The following ADNP2 variants were observed in gnomAD, a reference collection of about 807,000 sequenced individuals.
The protein encoded by ADNP2 is ADNP homeobox 2.
Under a neutral mutation model 16.4 loss-of-function variants are expected in ADNP2, and 8 were observed. That is an observed-to-expected ratio of 0.49 (90% CI 0.29 to 0.88). ADNP2 has a LOEUF of 0.88. Among genes scored for constraint, ADNP2 ranks in the 40% least tolerant of loss-of-function variants. ADNP2 has a pLI of 0.09. For missense variants in ADNP2, 1,397 were observed against 1,395.1 expected, an observed-to-expected ratio of 1.00 and a Z score of -0.02; for synonymous variants, 637 against 545.8, an observed-to-expected ratio of 1.17 and a Z score of -2.33.
At chr18:80,119,966 G>A (rs1168894757) in intron 2 of ADNP2, among the ~76,000 whole-genome samples, 4 of 152,168 alleles carry the variant, frequency 2.6e-5, no homozygotes, top group Admixed American at 2.0e-4. Flanking sequence ...GTGGAATGTG[G>A]ACCTCTTGAC....
chr18:80,119,262 A>G (rs531638262), intron 2 of ADNP2, among the ~76,000 whole-genome samples: 15 of 152,038 alleles, frequency 9.9e-5, no homozygotes, highest in African/African-American at 3.6e-4. Flanking sequence ...GCAGAAACCA[A>G]TCTGACCAAT....
intron 1 of ADNP2, among the ~76,000 whole-genome samples, chr18:80,116,676 G>T (rs913895461): frequency 2.6e-5 from 4 of 151,992 alleles, no homozygotes; most frequent in Middle Eastern, 3.4e-3. Flanking sequence ...TCACTCTGTT[G>T]CTCAGGCTGG....
At chr18:80,109,930 CGCCCCGCCCGCT>C (rs1396016979) in intron 1 of ADNP2, 1 of 152,490 alleles carries the variant, frequency 6.6e-6, no homozygotes, top group East Asian at 2.0e-4. Flanking sequence ...ACTCCAGAAA[CGCCCCGCCCGCT>C]GGCCCGCCCG....
intron 1 of ADNP2, among the ~76,000 whole-genome samples, chr18:80,115,806 G>C (rs2052385401): frequency 6.6e-6 from 1 of 151,784 alleles, no homozygotes; most frequent in South Asian, 2.1e-4. Flanking sequence ...ACGGAGTTTT[G>C]CTCTTACTGG....
intron 2 of ADNP2, among the ~76,000 whole-genome samples, chr18:80,129,578 C>A (rs1163293524): frequency 1.3e-5 from 2 of 152,156 alleles, no homozygotes; most frequent in African/African-American, 4.8e-5. Flanking sequence ...GTTGTTTCAG[C>A]TTAGTCCCCT....
intron 2 of ADNP2, among the ~76,000 whole-genome samples, chr18:80,123,262 G>A (rs1198736815): frequency 6.6e-6 from 1 of 152,156 alleles, no homozygotes; most frequent in Admixed American, 6.5e-5. Context: ...GTGTTCATAA[G>A]GAATATTGGT....
At position 80,136,547 on chromosome 18, in the gene ADNP2, C is replaced by G. The variant is rs746159856; in HGVS notation, c.1134C>G (p.Val378=). The stretch of plus-strand genomic sequence containing the variant: ...CTGTGTTGCCCTTGAGTCAGCCAGT[C>G]GGACCTGTCAATAAGTCTGTTGGAA... The part of the protein sequence containing the change: ...NPPVLPLSQP[V]GPVNKSVGTS... Residue 378 remains valine (V), a synonymous_variant, in exon 4 of 4, where the codon GTC becomes GTG. Transcript: ENST00000262198. The G allele has an allele frequency of 2.5e-6, 4 of 1,614,114 alleles. No individual in the cohort carries two copies. The highest frequency in any genetic ancestry group is 3.4e-6 in the Non-Finnish European group (4 of 1,180,052).
chr18:80,129,518 T>C (rs2145206512), intron 2 of ADNP2, among the ~76,000 whole-genome samples: 1 of 152,330 alleles, frequency 6.6e-6, no homozygotes, highest in East Asian at 1.9e-4. Flanking sequence ...CAGCCTCTTG[T>C]CCTGCAGAGA....
At chr18:80,114,687 A>C (rs2052378282) in intron 1 of ADNP2, among the ~76,000 whole-genome samples, 2 of 152,302 alleles carry the variant, frequency 1.3e-5, no homozygotes, top group South Asian at 4.1e-4. Context: ...TTACTGGAGT[A>C]AGACATTTTA....
chr18:80,111,148 C>T (rs865861056), intron 1 of ADNP2, among the ~76,000 whole-genome samples: 3 of 152,148 alleles, frequency 2.0e-5, no homozygotes, highest in East Asian at 3.8e-4. Context: ...CGGTATCTCC[C>T]AGTGATTTGA....
chr18:80,135,619 G>C lies in ADNP2; in HGVS notation c.206G>C (p.Arg69Pro). The change falls in exon 4 of 4, where the codon CGA becomes CCA. Residue 69 changes from arginine to proline, a missense_variant. This residue lies in a region of ADNP2 where 777 missense variants were observed against 719.4 expected (regional missense o/e 1.08). Transcript: ENST00000262198. ...TTTCTTTTCTTTTAACAGAGATATC[G>C]AACAAAGCCATACTGTTGTGGCCTC... ...WEPSGKKVRY[R>P]TKPYCCGLCK... The C allele has an allele frequency of 6.2e-7, 1 of 1,608,874 alleles. No individual in the cohort carries two copies. Among genetic ancestry groups the C allele is most frequent in the Non-Finnish European group, 8.5e-7 (1 of 1,176,804 alleles).
At chr18:80,116,197 G>A (rs2052388355) in intron 1 of ADNP2, among the ~76,000 whole-genome samples, 1 of 152,182 alleles carries the variant, frequency 6.6e-6, no homozygotes, top group African/African-American at 2.4e-5. Context: ...TAGCATGTAT[G>A]TATTTCATTT....
intron 1 of ADNP2, among the ~76,000 whole-genome samples, chr18:80,115,647 C>T (rs1044183767): frequency 2.0e-5 from 3 of 152,150 alleles, no homozygotes; most frequent in Non-Finnish European, 4.4e-5. Context: ...ATACAATTCA[C>T]CAGTTTGAAG....
At chr18:80,123,329 C>T (rs1310519887) in intron 2 of ADNP2, among the ~76,000 whole-genome samples, 2 of 152,106 alleles carry the variant, frequency 1.3e-5, no homozygotes, top group Non-Finnish European at 2.9e-5. Context: ...ATGCTGTCTT[C>T]AAGAATGAGT....
chr18:80,118,783 C>CT lies in ADNP2; in HGVS notation c.108+1141dup, dbSNP rs916132769. Among the ~76,000 whole-genome samples the CT allele has an allele frequency of 3.0e-4, 46 of 152,010 alleles. 1 individual carries two copies. The highest frequency in any genetic ancestry group is 2.0e-4 in the Admixed American group (3 of 15,250). Reference sequence around the variant, plus strand: ...TTCTGAAGTTCTTCACGGCTGTTTACTTTTTTTTCCCAAGACTTTACTGAT... The same window carrying CT: ...TTCTGAAGTTCTTCACGGCTGTTTACTTTTTTTTTCCCAAGACTTTACTGAT... On this transcript the variant is annotated intron_variant, in intron 2 of 3. Transcript: ENST00000262198.
chr18:80,131,569 C>CTT (rs34075834), intron 2 of ADNP2, among the ~76,000 whole-genome samples: 1 of 113,536 alleles, frequency 8.8e-6, no homozygotes. Flanking sequence ...GATGAAGATT[C>CTT]TTTTTTTTTT....
At chr18:80,127,001 AC>A (rs2052463411) in intron 2 of ADNP2, among the ~76,000 whole-genome samples, 1 of 152,236 alleles carries the variant, frequency 6.6e-6, no homozygotes, top group Non-Finnish European at 1.5e-5. Context: ...ATCGCATGCC[AC>A]CACAAGAAGG....
At chr18:80,110,166 T>G (rs1486319485) in intron 1 of ADNP2, 1 of 152,224 alleles carries the variant, frequency 6.6e-6, no homozygotes, top group Non-Finnish European at 1.5e-5. Flanking sequence ...ATGTTGACTT[T>G]AACATTACTT....
chr18:80,124,358 T>C (rs939175525), intron 2 of ADNP2, among the ~76,000 whole-genome samples: 38 of 152,190 alleles, frequency 2.5e-4, no homozygotes, highest in African/African-American at 8.0e-4. Flanking sequence ...TATAAACTGG[T>C]GTTCCCACAA....
Sources: allele counts gnomAD v4.1 joint callset (sites outside exome capture counted in the v4.1 genomes callset), GRCh38; gene constraint gnomAD v4.1.1; regional missense constraint gnomAD v4.1.1; transcripts MANE v1.5; gene names NCBI Gene and HGNC (gene_info 2026-07-23, HGNC 2026-07-21).